Variants in BMPR1A observed in about 807,000 individuals in gnomAD.
BMPR1A encodes bone morphogenetic protein receptor type-1A.
A neutral mutation model predicts 66.0 loss-of-function variants in BMPR1A; 7 were observed. That is an observed-to-expected ratio of 0.11 (90% confidence interval 0.06 to 0.20). The LOEUF is 0.20. Ranked by LOEUF, BMPR1A falls within the 10% of genes least tolerant of loss-of-function variation. BMPR1A has a pLI of 1.00. For missense variants in BMPR1A, 408 were observed against 669.1 expected (o/e 0.61, Z 4.31); for synonymous variants, 200 against 229.7 (o/e 0.87, Z 1.17).
chr10:86,883,120 C>CT (rs1188123417), intron 3 of BMPR1A, among the ~76,000 whole-genome samples: 7 of 152,098 alleles, frequency 4.6e-5, no homozygotes, highest in Non-Finnish European at 8.8e-5. Context: ...TCCTCTCTAC[C>CT]CCCATGCACT....
intron 1 of BMPR1A, among the ~76,000 whole-genome samples, chr10:86,796,730 C>T (rs926010533): frequency 1.3e-5 from 2 of 151,836 alleles, no homozygotes; most frequent in Non-Finnish European, 2.9e-5. Flanking sequence ...CACGCTACCA[C>T]TCCAGCTAAT....
intron 1 of BMPR1A, among the ~76,000 whole-genome samples, chr10:86,771,153 TATTA>T (rs1437149030): frequency 3.3e-5 from 5 of 152,368 alleles, no homozygotes; most frequent in East Asian, 1.9e-4. Flanking sequence ...TTAATTGGAA[TATTA>T]ATTCAAATAT....
Position 86,925,334 on chromosome 10 carries a change from ACAT to A in BMPR1A, c.*1624_*1626del, listed in dbSNP as rs1021213780. On this transcript the variant is annotated 3_prime_UTR_variant, in exon 13 of 13. Coordinates refer to ENST00000372037, the MANE Select transcript of BMPR1A (RefSeq NM_004329.3). ...AACATAAAATAAATGTGATTATATC[ACAT>A]CATCATCAAAAAGGTTTAAATTAAA... is the stretch of plus-strand genomic sequence containing the variant. 13 of 221,392 alleles carry A rather than the reference ACAT, an allele frequency of 5.9e-5. No individual in the cohort carries two copies. The highest frequency in any genetic ancestry group is 1.1e-4 in the Non-Finnish European group (12 of 110,848). 13.7% of individuals were successfully genotyped at this position (221,392 alleles called of 1,614,324 possible).
rs183555678 is a variant in BMPR1A at position 86,765,462 on chromosome 10, C to T, written c.-268+8543C>T. 0.016 allele frequency among the ~76,000 whole-genome samples: 2,044 copies of T among 124,032 alleles called. 45 individuals carry two copies. The highest frequency in any genetic ancestry group is 0.058 in the African/African-American group (1,854 of 32,064). 81.4% of individuals were successfully genotyped at this position (124,032 alleles called of 152,430 possible). A position where few individuals can be genotyped will look rare whatever the true frequency, so the allele number is the denominator to read the frequency against. On this transcript the variant is annotated intron_variant, in intron 1 of 12. Transcript: ENST00000372037. ...TTGCACCATTGCACTCCAGCCTGGG[C>T]GACAGAGTAAGACTCTGTCTCAAAA...
At chr10:86,897,749 G>A (rs545834963) in intron 5 of BMPR1A, among the ~76,000 whole-genome samples, 43 of 152,092 alleles carry the variant, frequency 2.8e-4, no homozygotes, top group African/African-American at 8.9e-4. Flanking sequence ...TGGGACCACA[G>A]GCGTGTACCA....
chr10:86,856,979 C>G (rs1842650036), intron 2 of BMPR1A, among the ~76,000 whole-genome samples: 1 of 152,208 alleles, frequency 6.6e-6, no homozygotes, highest in African/African-American at 2.4e-5. Flanking sequence ...GGGTTCCTAA[C>G]ATGGAGCTTC....
chr10:86,886,486 A>G (rs1214427323), intron 3 of BMPR1A, among the ~76,000 whole-genome samples: 2 of 152,160 alleles, frequency 1.3e-5, no homozygotes, highest in Admixed American at 6.5e-5. Flanking sequence ...AACAATTGAC[A>G]TACATTTTGG....
At chr10:86,847,970 C>A (rs1286278119) in intron 2 of BMPR1A, among the ~76,000 whole-genome samples, 2 of 150,572 alleles carry the variant, frequency 1.3e-5, no homozygotes, top group Non-Finnish European at 3.0e-5. Context: ...CTCCATCTGT[C>A]GCCCAAGTTG....
chr10:86,876,369 A>G (rs1842921890), intron 3 of BMPR1A, among the ~76,000 whole-genome samples: 1 of 152,242 alleles, frequency 6.6e-6, no homozygotes, highest in African/African-American at 2.4e-5. Flanking sequence ...AATGAGATAA[A>G]GTATGTAAAG....
intron 1 of BMPR1A, among the ~76,000 whole-genome samples, chr10:86,787,176 A>T (rs981963690): frequency 2.0e-5 from 3 of 152,212 alleles, no homozygotes; most frequent in African/African-American, 7.2e-5. Context: ...TGGATTTTTT[A>T]AAAAAGAACT....
At chr10:86,777,123 G>A (rs1239283673) in intron 1 of BMPR1A, among the ~76,000 whole-genome samples, 1 of 151,994 alleles carries the variant, frequency 6.6e-6, no homozygotes, top group African/African-American at 2.4e-5. Flanking sequence ...TTTAATTTCT[G>A]TTGTTGGTCA....
chr10:86,794,950 C>G lies in BMPR1A; in HGVS notation c.-268+38031C>G, dbSNP rs576357508. On this transcript the variant is annotated intron_variant, in intron 1 of 12. Transcript: ENST00000372037. ...CACCGCACACTCCACCTCCTTGGTTCAAGCAGTTCTCCTGCCTCAGCCTCC... is the reference window on the plus strand; with the variant it reads ...CACCGCACACTCCACCTCCTTGGTTGAAGCAGTTCTCCTGCCTCAGCCTCC... 1.3e-4 allele frequency among the ~76,000 whole-genome samples: 20 copies of G among 151,760 alleles called. No individual in the cohort carries two copies. The South Asian group carries it at 4.2e-3, about 32-fold the overall frequency.
At chr10:86,831,531 G>A (rs1471368903) in intron 1 of BMPR1A, among the ~76,000 whole-genome samples, 1 of 152,224 alleles carries the variant, frequency 6.6e-6, no homozygotes, top group African/African-American at 2.4e-5. Context: ...CAAGGCAGAA[G>A]GATCACTTGA....
rs1843730329 is a variant in BMPR1A at position 86,925,721 on chromosome 10, C to CTTTTTATTTTTTTTTTTT, written c.*2007_*2008insATTTTTTTTTTTTTTTTT. ...CATAATCTTTAAAATCATTTGTCATCTTTTTTTTTTTTTTTTTGAGACGGA... is the reference window on the plus strand; with the variant it reads ...CATAATCTTTAAAATCATTTGTCATCTTTTTATTTTTTTTTTTTTTTTTTTTTTTTTTTTTGAGACGGA... On this transcript the variant is annotated 3_prime_UTR_variant, in exon 13 of 13. Coordinates refer to ENST00000372037, the MANE Select transcript of BMPR1A (RefSeq NM_004329.3). 8.6e-6 allele frequency: 1 copy of CTTTTTATTTTTTTTTTTT among 116,306 alleles called. No individual in the cohort carries two copies. The highest frequency in any genetic ancestry group is 1.6e-5 in the Non-Finnish European group (1 of 62,794). 7.2% of individuals were successfully genotyped at this position (116,306 alleles called of 1,614,324 possible). A position where few individuals can be genotyped will look rare whatever the true frequency, so the allele number is the denominator to read the frequency against.
chr10:86,851,945 C>T (rs976425371), intron 2 of BMPR1A, among the ~76,000 whole-genome samples: 3 of 151,986 alleles, frequency 2.0e-5, no homozygotes, highest in Non-Finnish European at 4.4e-5. Context: ...GAAGTTAGTC[C>T]GAGCTAGGCA....
chr10:86,896,675 AAAT>A (rs1422173261), intron 5 of BMPR1A, among the ~76,000 whole-genome samples: 3 of 152,236 alleles, frequency 2.0e-5, no homozygotes, highest in Non-Finnish European at 4.4e-5. Flanking sequence ...ATGCATTAAA[AAAT>A]GATGTAACAC....
At chr10:86,906,942 TC>T (rs1463531495) in intron 7 of BMPR1A, among the ~76,000 whole-genome samples, 1 of 152,104 alleles carries the variant, frequency 6.6e-6, no homozygotes, top group African/African-American at 2.4e-5. Context: ...TTTTTTTTTT[TC>T]TTCACCTGTG....
chr10:86,812,270 T>C (rs1264330427), intron 1 of BMPR1A, among the ~76,000 whole-genome samples: 1 of 152,216 alleles, frequency 6.6e-6, no homozygotes, highest in East Asian at 1.9e-4. Flanking sequence ...TTTTGTCTTT[T>C]TGAAGTACCC....
chr10:86,863,986 A>G (rs1183694980), intron 2 of BMPR1A, among the ~76,000 whole-genome samples: 1 of 152,256 alleles, frequency 6.6e-6, no homozygotes, highest in African/African-American at 2.4e-5. Flanking sequence ...TTGTATTCAT[A>G]CATTAGTTTG....
Sources: gnomAD v4.1 joint callset for allele counts (sites outside exome capture counted in the v4.1 genomes callset) on GRCh38, gnomAD v4.1.1 for gene constraint, MANE v1.5 for transcripts, NCBI Gene and HGNC (gene_info 2026-07-23, HGNC 2026-07-21) for gene names.